The following FHOD3 variants were observed in gnomAD, a reference collection of about 807,000 sequenced individuals.
FHOD3 encodes the protein formin homology 2 domain containing 3.
In FHOD3, 90 loss-of-function variants were observed where a neutral mutation model predicts 173.0. The observed-to-expected ratio is 0.52, with a 90% CI of 0.44 to 0.62. The LOEUF (loss-of-function observed/expected upper bound fraction) is 0.62. FHOD3 is among the 20% of genes least tolerant of loss of function. The probability of loss-of-function intolerance (pLI) is 0.00; values close to 1 mark genes in which losing one functional copy is unlikely to be tolerated. For synonymous variants in FHOD3, 828 were observed against 823.0 expected (o/e 1.01, Z -0.10); for missense variants, 1,945 against 2,034.7 (o/e 0.96, Z 0.85).
intron 5 of FHOD3, among the ~76,000 whole-genome samples, chr18:36,540,197 A>G (rs1174662781): frequency 1.3e-5 from 2 of 152,218 alleles, no homozygotes; most frequent in East Asian, 3.8e-4. Flanking sequence ...GGTTCCAATT[A>G]TGGTGGTAAT....
At position 36,515,384 on chromosome 18, in the gene FHOD3, A is replaced by AT. The variant is rs1336146189; in HGVS notation, c.511+2848dup. On this transcript the variant is annotated intron_variant, in intron 5 of 28. Coordinates refer to ENST00000590592, the MANE Select transcript of FHOD3 (RefSeq NM_001281740.3). Reference sequence around the variant, plus strand: ...AGGCGCCTGCCACCACACCTGCCTAATTTTTTTGTATTTTTAGTAGAGATG... The same window carrying AT: ...AGGCGCCTGCCACCACACCTGCCTAATTTTTTTTGTATTTTTAGTAGAGATG... Among the ~76,000 whole-genome samples the AT allele has an allele frequency of 2.6e-5, 4 of 151,824 alleles. No individual in the cohort carries two copies. In the South Asian group the frequency reaches 8.4e-4, roughly 32 times the overall value.
chr18:36,759,235 C>G, intron 26 of FHOD3, 94 bp downstream of exon 26: 1 of 1,327,686 alleles, frequency 7.5e-7, no homozygotes, highest in South Asian at 1.3e-5. Context: ...GTGTCAGCAC[C>G]ATTCAGTGCT....
At chr18:36,419,813 T>C (rs1372377709) in intron 3 of FHOD3, among the ~76,000 whole-genome samples, 2 of 152,132 alleles carry the variant, frequency 1.3e-5, no homozygotes, top group East Asian at 3.9e-4. Context: ...GGGAAGGAAG[T>C]GCGCTCTCTT....
intron 18 of FHOD3, among the ~76,000 whole-genome samples, chr18:36,713,415 G>A (rs561148868): frequency 6.6e-6 from 1 of 152,272 alleles, no homozygotes; most frequent in East Asian, 1.9e-4. Flanking sequence ...TGTGGTTAGT[G>A]TATATATTGT....
intron 7 of FHOD3, among the ~76,000 whole-genome samples, chr18:36,596,465 G>A (rs1305269740): frequency 1.3e-5 from 2 of 151,610 alleles, no homozygotes; most frequent in East Asian, 3.9e-4. Flanking sequence ...TTACAGGCGT[G>A]AGCCAGCGTG....
At position 36,550,703 on chromosome 18, in the gene FHOD3, T is replaced by A. The variant is rs550625510; in HGVS notation, c.512-25748T>A. ...GTATTTCATATTTTTATGTATTTTT[T>A]AAAATTCCAATTTCAAATTGCTCAT... On this transcript the variant is annotated intron_variant, in intron 5 of 28. Coordinates refer to ENST00000590592, the MANE Select transcript of FHOD3 (RefSeq NM_001281740.3). 2.0e-5 allele frequency among the ~76,000 whole-genome samples: 3 copies of A among 152,324 alleles called. 1 individual carries two copies. The highest frequency in any genetic ancestry group is 7.2e-5 in the African/African-American group (3 of 41,588).
At chr18:36,670,782 G>A (rs181877367) in intron 14 of FHOD3, among the ~76,000 whole-genome samples, 1 of 152,260 alleles carries the variant, frequency 6.6e-6, no homozygotes, top group Admixed American at 6.5e-5. Context: ...GGTGCTGGAT[G>A]TGTTTGTGTT....
chr18:36,343,582 T>C (rs1298732004), intron 1 of FHOD3, among the ~76,000 whole-genome samples: 1 of 152,088 alleles, frequency 6.6e-6, no homozygotes, highest in East Asian at 1.9e-4. Context: ...ATTTTTTCCA[T>C]GCAAGAGCTG....
intron 19 of FHOD3, among the ~76,000 whole-genome samples, chr18:36,722,032 A>G (rs556020670): frequency 2.0e-5 from 3 of 152,312 alleles, no homozygotes; most frequent in South Asian, 4.1e-4. Context: ...GATAAGACTG[A>G]AAAGATGCGA....
chr18:36,681,143 G>A (rs2038211837), intron 14 of FHOD3, among the ~76,000 whole-genome samples: 2 of 152,052 alleles, frequency 1.3e-5, no homozygotes, highest in Admixed American at 1.3e-4. Context: ...ATACATTCCT[G>A]GAATACTTCT....
intron 5 of FHOD3, among the ~76,000 whole-genome samples, chr18:36,569,006 A>T (rs940040345): frequency 6.6e-6 from 1 of 152,204 alleles, no homozygotes; most frequent in African/African-American, 2.4e-5. Flanking sequence ...AAGAAATAGA[A>T]TATATAGAGA....
At chr18:36,568,024 C>T (rs1392802738) in intron 5 of FHOD3, among the ~76,000 whole-genome samples, 7 of 151,654 alleles carry the variant, frequency 4.6e-5, no homozygotes, top group Admixed American at 3.3e-4. Context: ...GGCTGAAGGA[C>T]TAAGAAGGGG....
chr18:36,415,539 A>T (rs2049592403), intron 3 of FHOD3, among the ~76,000 whole-genome samples: 1 of 152,228 alleles, frequency 6.6e-6, no homozygotes, highest in Admixed American at 6.5e-5. Flanking sequence ...TTGGTCTGTC[A>T]CTGAGGACAA....
chr18:36,541,531 C>T (rs1306080460), intron 5 of FHOD3, among the ~76,000 whole-genome samples: 1 of 151,910 alleles, frequency 6.6e-6, no homozygotes, highest in African/African-American at 2.4e-5. Flanking sequence ...CTTATCTCTA[C>T]AAAAAATGAA....
chr18:36,712,994 G>A (rs1003118708), intron 18 of FHOD3, among the ~76,000 whole-genome samples: 9 of 152,126 alleles, frequency 5.9e-5, no homozygotes, highest in African/African-American at 1.9e-4. Flanking sequence ...GAAAAGAACC[G>A]TCAACTATAA....
At chr18:36,354,793 G>GA (rs1215504684) in intron 1 of FHOD3, among the ~76,000 whole-genome samples, 2 of 148,626 alleles carry the variant, frequency 1.3e-5, no homozygotes, top group Non-Finnish European at 3.0e-5. Flanking sequence ...GTGACAGAGC[G>GA]AGACTCTGTC....
intron 9 of FHOD3, among the ~76,000 whole-genome samples, chr18:36,625,098 T>C (rs2033995795): frequency 6.6e-6 from 1 of 152,044 alleles, no homozygotes; most frequent in African/African-American, 2.4e-5. Flanking sequence ...TCAAGACTGA[T>C]AGGGAACCGG....
chr18:36,401,185 G>A (rs1472790139), intron 3 of FHOD3, among the ~76,000 whole-genome samples: 4 of 152,132 alleles, frequency 2.6e-5, no homozygotes, highest in Admixed American at 1.3e-4. Context: ...CAAAAGGTAG[G>A]GGCTTTGGGA....
chr18:36,665,339 A>G (rs961956938), intron 14 of FHOD3, among the ~76,000 whole-genome samples: 1 of 152,248 alleles, frequency 6.6e-6, no homozygotes, highest in Non-Finnish European at 1.5e-5. Flanking sequence ...CTGACTTCAC[A>G]GGGCTTACAC....
Sources: gnomAD v4.1 joint callset for allele counts (sites outside exome capture counted in the v4.1 genomes callset) on GRCh38, gnomAD v4.1.1 for gene constraint, MANE v1.5 for transcripts, NCBI Gene and HGNC (gene_info 2026-07-23, HGNC 2026-07-21) for gene names.